AGBL4: variants seen among roughly 807,000 people sequenced by gnomAD.
AGBL4 encodes the protein AGBL carboxypeptidase 4.
AGBL4 carries 58 observed loss-of-function variants against 66.4 expected under a neutral mutation model. The observed-to-expected ratio is 0.87, with a 90% CI of 0.71 to 1.09. The LOEUF (loss-of-function observed/expected upper bound fraction) is 1.09. Ranked by LOEUF, AGBL4 falls within the 50% of genes least tolerant of loss-of-function variation. The pLI, the probability that AGBL4 is intolerant of heterozygous loss-of-function variation, is 0.00. For missense variants in AGBL4, 579 were observed against 631.0 expected, an observed-to-expected ratio of 0.92 and a Z score of 0.88; for synonymous variants, 234 against 222.9, an observed-to-expected ratio of 1.05 and a Z score of -0.44.
At chr1:49,282,437 T>C (rs748316917) in intron 3 of AGBL4, among the ~76,000 whole-genome samples, 1 of 152,202 alleles carries the variant, frequency 6.6e-6, no homozygotes, top group Non-Finnish European at 1.5e-5. Context: ...GTAGGTGGAC[T>C]GATTATACTA....
intron 5 of AGBL4, among the ~76,000 whole-genome samples, chr1:49,008,345 C>A (rs1369807416): frequency 6.6e-6 from 1 of 151,900 alleles, no homozygotes; most frequent in Non-Finnish European, 1.5e-5. Context: ...AATATATATG[C>A]ACCCAATACA....
At position 48,573,216 on chromosome 1, in the gene AGBL4, C is replaced by T. The variant is rs540737389; in HGVS notation, c.1267+13788G>A. On this transcript the variant is annotated intron_variant, in intron 11 of 13. Coordinates refer to ENST00000371839, the MANE Select transcript of AGBL4 (RefSeq NM_032785.4). ...TCCCTTCTTTGAGTCCAGGGTGAAA[C>T]GGTTTTCAAAATCATTTCTCGCTTA... 1.1e-4 allele frequency among the ~76,000 whole-genome samples: 16 copies of T among 152,282 alleles called. No individual in the cohort carries two copies. In the East Asian group the frequency reaches 2.7e-3, roughly 26 times the overall value.
intron 3 of AGBL4, among the ~76,000 whole-genome samples, chr1:49,347,126 AT>A (rs890153120): frequency 1.3e-5 from 2 of 152,040 alleles, no homozygotes; most frequent in Non-Finnish European, 2.9e-5. Flanking sequence ...GCCCTTGTAG[AT>A]TTTTTTATCT....
chr1:49,355,182 C>T (rs1373363254), intron 3 of AGBL4, among the ~76,000 whole-genome samples: 1 of 152,158 alleles, frequency 6.6e-6, no homozygotes, highest in Non-Finnish European at 1.5e-5. Context: ...AGCACTCGAT[C>T]CAACTACTTA....
intron 5 of AGBL4, among the ~76,000 whole-genome samples, chr1:49,019,061 G>A (rs1325734587): frequency 6.6e-6 from 1 of 152,044 alleles, no homozygotes; most frequent in African/African-American, 2.4e-5. Context: ...CTCCTTCTCT[G>A]GCTTAACAGA....
intron 3 of AGBL4, among the ~76,000 whole-genome samples, chr1:49,252,411 A>G (rs1326492790): frequency 6.6e-6 from 1 of 152,188 alleles, no homozygotes; most frequent in Non-Finnish European, 1.5e-5. Context: ...GGGATTACGT[A>G]AAGACATCAA....
chr1:48,598,758 C>G (rs944952862), intron 9 of AGBL4, among the ~76,000 whole-genome samples: 3 of 151,922 alleles, frequency 2.0e-5, no homozygotes, highest in Non-Finnish European at 4.4e-5. Context: ...TTACAGGTGT[C>G]AGCCACCACG....
At chr1:49,601,530 G>A (rs1021561339) in intron 3 of AGBL4, among the ~76,000 whole-genome samples, 1 of 152,066 alleles carries the variant, frequency 6.6e-6, no homozygotes, top group African/African-American at 2.4e-5. Flanking sequence ...ACGGAACAGA[G>A]ATCTCAGAAA....
At chr1:49,924,830 C>T (rs1351962980) in intron 1 of AGBL4, among the ~76,000 whole-genome samples, 5 of 152,146 alleles carry the variant, frequency 3.3e-5, no homozygotes, top group Admixed American at 3.3e-4. Flanking sequence ...CAATCGTCCT[C>T]CTCATGGGAA....
At chr1:49,169,099 C>G (rs1028033316) in intron 4 of AGBL4, among the ~76,000 whole-genome samples, 2 of 152,092 alleles carry the variant, frequency 1.3e-5, no homozygotes, top group South Asian at 2.1e-4. Flanking sequence ...GCCTCCAACC[C>G]AAATTGAAAA....
chr1:48,785,749 C>T (rs1645393472), intron 6 of AGBL4, among the ~76,000 whole-genome samples: 1 of 152,144 alleles, frequency 6.6e-6, no homozygotes, highest in Non-Finnish European at 1.5e-5. Context: ...GTGATTCTGC[C>T]TTATTCCACA....
intron 3 of AGBL4, among the ~76,000 whole-genome samples, chr1:49,372,663 CTTTCTT>C (rs1376141942): frequency 3.9e-4 from 39 of 99,694 alleles, no homozygotes; most frequent in Admixed American, 9.8e-4. Context: ...TTCTTTCTTT[CTTTCTT>C]TCTTTCTTTC....
At chr1:48,935,941 A>T in intron 5 of AGBL4, among the ~76,000 whole-genome samples, 2 of 119,476 alleles carry the variant, frequency 1.7e-5, no homozygotes, top group Non-Finnish European at 1.7e-5. Flanking sequence ...CCTGGGTGAC[A>T]GAGCGAGACT....
chr1:49,794,865 T>C (rs561670647), intron 2 of AGBL4, among the ~76,000 whole-genome samples: 1 of 152,006 alleles, frequency 6.6e-6, no homozygotes, highest in East Asian at 1.9e-4. Flanking sequence ...CTCATGGCTA[T>C]TTCGTTTTGA....
At chr1:49,269,952 T>G (rs1644018089) in intron 3 of AGBL4, among the ~76,000 whole-genome samples, 1 of 152,148 alleles carries the variant, frequency 6.6e-6, no homozygotes, top group Admixed American at 6.6e-5. Flanking sequence ...GAACCTGCAG[T>G]TAAGGGAACC....
At chr1:49,511,461 G>A (rs1232161144) in intron 3 of AGBL4, among the ~76,000 whole-genome samples, 2 of 111,644 alleles carry the variant, frequency 1.8e-5, no homozygotes, top group Non-Finnish European at 3.6e-5. Flanking sequence ...GTTGTGGGGT[G>A]GGGGGAGGGG....
chr1:49,103,426 A>T (rs1027398648), intron 4 of AGBL4, among the ~76,000 whole-genome samples: 5 of 152,148 alleles, frequency 3.3e-5, no homozygotes, highest in African/African-American at 1.2e-4. Flanking sequence ...GAAAAGTGAA[A>T]ATTTAGAATG....
At chr1:49,972,116 A>G (rs1435520728) in intron 1 of AGBL4, among the ~76,000 whole-genome samples, 1 of 150,796 alleles carries the variant, frequency 6.6e-6, no homozygotes, top group Non-Finnish European at 1.5e-5. Context: ...ACGGGGTTTC[A>G]CCATGTTAGC....
At chr1:48,760,548 C>T (rs1644202887) in intron 6 of AGBL4, among the ~76,000 whole-genome samples, 1 of 152,178 alleles carries the variant, frequency 6.6e-6, no homozygotes, top group Non-Finnish European at 1.5e-5. Flanking sequence ...GTCTGCGTCA[C>T]TATAATGTGA....
Sources: allele counts gnomAD v4.1 joint callset (sites outside exome capture counted in the v4.1 genomes callset), GRCh38; gene constraint gnomAD v4.1.1; transcripts MANE v1.5; gene names NCBI Gene and HGNC (gene_info 2026-07-23, HGNC 2026-07-21).